Variants in UBE2W observed in about 807,000 individuals in gnomAD.
The protein encoded by UBE2W is ubiquitin-conjugating enzyme E2 W.
A neutral mutation model predicts 27.2 loss-of-function variants in UBE2W; 18 were observed. The observed-to-expected ratio is 0.66, with a 90% CI of 0.46 to 0.98. The LOEUF (loss-of-function observed/expected upper bound fraction) is 0.98. UBE2W is among the 50% of genes least tolerant of loss of function. UBE2W has a pLI of 0.00. For synonymous variants in UBE2W, 53 were observed against 57.2 expected (o/e 0.93, Z 0.33); for missense variants, 90 against 180.2 (o/e 0.50, Z 2.87).
chr8:73,799,317 A>G (rs1191279150), intron 5 of UBE2W, among the ~76,000 whole-genome samples: 1 of 152,062 alleles, frequency 6.6e-6, no homozygotes, highest in Non-Finnish European at 1.5e-5. Context: ...CTAATTCTTA[A>G]GGGATTCTAA....
intron 1 of UBE2W, among the ~76,000 whole-genome samples, chr8:73,865,929 T>C (rs1396932082): frequency 5.3e-5 from 8 of 152,162 alleles, no homozygotes; most frequent in Non-Finnish European, 1.0e-4. Context: ...GTCTAAAGAC[T>C]GAAGTTGATA....
rs1311826867 is a variant in UBE2W, at chr8:73,792,916, T to C, written c.*1186A>G. The C allele has an allele frequency of 2.5e-5, 25 of 985,616 alleles. 1 individual carries two copies. The highest frequency in any genetic ancestry group is 9.6e-6 in the Non-Finnish European group (8 of 829,874). 61.1% of individuals were successfully genotyped at this position (985,616 alleles called of 1,614,324 possible). ...AAATAAGCAACCATTTGATAGTGAC[T>C]TTTGCCTAAATTTTAAAATAAAAAT... On this transcript the variant is annotated 3_prime_UTR_variant, in exon 6 of 6. Transcript: ENST00000602593.
At chr8:73,855,453 G>A (rs1811256635) in intron 1 of UBE2W, among the ~76,000 whole-genome samples, 1 of 137,974 alleles carries the variant, frequency 7.2e-6, no homozygotes, top group African/African-American at 2.8e-5. Flanking sequence ...CCATGCTGGA[G>A]TGCAGTGGTG....
At chr8:73,849,052 AG>A (rs1466433461) in intron 1 of UBE2W, among the ~76,000 whole-genome samples, 4 of 151,868 alleles carry the variant, frequency 2.6e-5, no homozygotes, top group Non-Finnish European at 5.9e-5. Flanking sequence ...AAACAAAAAA[AG>A]AAAAAGCAAA....
chr8:73,814,716 T>C (rs1374902594), intron 3 of UBE2W, among the ~76,000 whole-genome samples: 2 of 152,148 alleles, frequency 1.3e-5, no homozygotes, highest in Admixed American at 1.3e-4. Context: ...GATGGGGTTT[T>C]ACTATATGTT....
intron 1 of UBE2W, among the ~76,000 whole-genome samples, chr8:73,837,035 T>C (rs996493237): frequency 6.6e-6 from 1 of 152,146 alleles, no homozygotes; most frequent in Non-Finnish European, 1.5e-5. Flanking sequence ...TGGTGAGGTA[T>C]GGGAAAATTA....
At chr8:73,783,222 C>G (rs897498516), downstream of UBE2W, among the ~76,000 whole-genome samples, 4 of 152,038 alleles carry the variant, frequency 2.6e-5, no homozygotes, top group Non-Finnish European at 5.9e-5. Flanking sequence ...TTTGAAGAAC[C>G]TGTTTCAAAT....
At chr8:73,782,213 C>A (rs533039332), downstream of UBE2W, among the ~76,000 whole-genome samples, 15 of 151,824 alleles carry the variant, frequency 9.9e-5, no homozygotes, top group African/African-American at 3.4e-4. Context: ...TCCCAAAGTA[C>A]TGGGATTACA....
intron 1 of UBE2W, among the ~76,000 whole-genome samples, chr8:73,839,635 C>T (rs1026948003): frequency 1.4e-4 from 21 of 150,772 alleles, no homozygotes; most frequent in Admixed American, 7.3e-4. Flanking sequence ...CCAGCCTGGG[C>T]GACAGCACAA....
At chr8:73,852,905 G>A (rs556613432) in intron 1 of UBE2W, among the ~76,000 whole-genome samples, 1 of 152,162 alleles carries the variant, frequency 6.6e-6, no homozygotes, top group African/African-American at 2.4e-5. Context: ...CAAAATGTAA[G>A]CAAAATGCAA....
intron 1 of UBE2W, among the ~76,000 whole-genome samples, chr8:73,844,408 C>T (rs902367594): frequency 2.0e-5 from 3 of 152,228 alleles, no homozygotes; most frequent in Admixed American, 6.5e-5. Context: ...CTCGGCCTCC[C>T]GAGGTGCCGG....
At chr8:73,874,157 CGCG>C (rs1812119970) in intron 1 of UBE2W, among the ~76,000 whole-genome samples, 1 of 152,162 alleles carries the variant, frequency 6.6e-6, no homozygotes, top group South Asian at 2.1e-4. Context: ...CACGGCCGGG[CGCG>C]GTGGCTGACG....
Position 73,792,550 on chromosome 8 carries a change from C to A in UBE2W, c.*1552G>T. On this transcript the variant is annotated 3_prime_UTR_variant, in exon 6 of 6. Transcript: ENST00000602593. ...TTGATTGAATGGTTTTACTGGGGTA[C>A]GTATTTCAAACCTTTCAGCCAACTG... 15 of 985,558 alleles carry A rather than the reference C, an allele frequency of 1.5e-5. No individual in the cohort carries two copies. The highest frequency in any genetic ancestry group is 1.8e-5 in the Non-Finnish European group (15 of 829,772). 61.1% of individuals were successfully genotyped at this position (985,558 alleles called of 1,614,324 possible).
intron 1 of UBE2W, among the ~76,000 whole-genome samples, chr8:73,849,294 C>A (rs1810965612): frequency 6.6e-6 from 1 of 151,914 alleles, no homozygotes; most frequent in African/African-American, 2.4e-5. Context: ...GGTGGATCAC[C>A]TGAGGTCAGG....
Position 73,865,521 on chromosome 8 carries a change from A to T in UBE2W, c.15+13287T>A, listed in dbSNP as rs548838891. ...CAGTTACTCAGCAGGCTGAGGTGGG[A>T]GAATCGCTTGGGTCCAGGAGGCCAA... On this transcript the variant is annotated intron_variant, in intron 1 of 5. Coordinates refer to ENST00000602593, the MANE Select transcript of UBE2W (RefSeq NM_018299.6). Among the ~76,000 whole-genome samples, 4 of 152,304 alleles carry T rather than the reference A, an allele frequency of 2.6e-5. No homozygotes were observed. The South Asian group carries it at 8.3e-4, about 32-fold the overall frequency.
intron 1 of UBE2W, among the ~76,000 whole-genome samples, chr8:73,851,903 C>G (rs964565488): frequency 6.9e-6 from 1 of 144,084 alleles, no homozygotes; most frequent in African/African-American, 2.6e-5. Flanking sequence ...GAGGCTGAGG[C>G]AGGAGTTCAA....
chr8:73,870,083 T>C (rs1044764270), intron 1 of UBE2W, among the ~76,000 whole-genome samples: 4 of 152,196 alleles, frequency 2.6e-5, no homozygotes, highest in Admixed American at 1.3e-4. Context: ...GCAGTGATGG[T>C]TCTGAACAGA....
At chr8:73,783,658 C>G (rs146014768), downstream of UBE2W, among the ~76,000 whole-genome samples, 4 of 152,306 alleles carry the variant, frequency 2.6e-5, no homozygotes, top group African/African-American at 9.6e-5. Flanking sequence ...TGTGACTCTT[C>G]CAATCCATTC....
intron 2 of UBE2W, among the ~76,000 whole-genome samples, chr8:73,827,328 C>T (rs940482879): frequency 1.3e-5 from 2 of 152,178 alleles, no homozygotes; most frequent in South Asian, 4.1e-4. Context: ...ATTCTCCTGC[C>T]TCAGCCTCCC....
Sources: allele counts gnomAD v4.1 joint callset (sites outside exome capture counted in the v4.1 genomes callset), GRCh38; gene constraint gnomAD v4.1.1; transcripts MANE v1.5; gene names NCBI Gene and HGNC (gene_info 2026-07-23, HGNC 2026-07-21).